The following ZBBX variants were observed in gnomAD, a reference collection of about 807,000 sequenced individuals.
ZBBX encodes zinc finger B-box domain-containing protein 1.
A neutral mutation model predicts 108.5 loss-of-function variants in ZBBX; 101 were observed. That is an observed-to-expected ratio of 0.93 (90% confidence interval 0.79 to 1.10). The LOEUF is 1.10. ZBBX is among the 50% of genes least tolerant of loss of function. The pLI is 0.00. For synonymous variants in ZBBX, 356 were observed against 323.4 expected (o/e 1.10, Z -1.08); for missense variants, 1,009 against 941.4 (o/e 1.07, Z -0.94).
chr3:167,238,737 G>A (rs1285397075), downstream of ZBBX, among the ~76,000 whole-genome samples: 1 of 152,024 alleles, frequency 6.6e-6, no homozygotes, highest in African/African-American at 2.4e-5. Context: ...ATGTCACAAA[G>A]TGATGACCAC....
At chr3:167,312,837 A>T (rs577174030) in intron 16 of ZBBX, among the ~76,000 whole-genome samples, 2 of 152,290 alleles carry the variant, frequency 1.3e-5, no homozygotes, top group African/African-American at 4.8e-5. Context: ...ATTTACACAA[A>T]TCTACCACTG....
At chr3:167,188,925 T>G in the ZBBX span, among the ~76,000 whole-genome samples, 1 of 152,158 alleles carries the variant, frequency 6.6e-6, no homozygotes, top group Non-Finnish European at 1.5e-5. Context: ...CCCTGAGATT[T>G]AAAAAGACAC....
intron 15 of ZBBX, 74 bp downstream of exon 15, chr3:167,315,654 CACACCACATATTTCACATTTAA>C: frequency 1.2e-6 from 1 of 858,388 alleles, no homozygotes; most frequent in Non-Finnish European, 1.9e-6. Context: ...CATGTTTTTT[CACACCACATATTTCACATTTAA>C]AAAGACAGAT....
chr3:167,224,244 G>A, the ZBBX span, among the ~76,000 whole-genome samples: 29 of 151,878 alleles, frequency 1.9e-4, no homozygotes, highest in African/African-American at 5.1e-4. Flanking sequence ...TGATTTATAC[G>A]TGCTTACTTC....
At chr3:167,218,790 T>C in the ZBBX span, among the ~76,000 whole-genome samples, 2 of 152,014 alleles carry the variant, frequency 1.3e-5, no homozygotes, top group Non-Finnish European at 2.9e-5. Context: ...ACTGATAAGA[T>C]TGCATATAAA....
intron 20 of ZBBX, among the ~76,000 whole-genome samples, chr3:167,272,276 G>A (rs1726662412): frequency 6.6e-6 from 1 of 152,118 alleles, no homozygotes; most frequent in Admixed American, 6.5e-5. Flanking sequence ...CAATTCCTCA[G>A]GAATTACATA....
At chr3:167,362,952 A>G (rs991384914) in intron 6 of ZBBX, among the ~76,000 whole-genome samples, 8 of 151,810 alleles carry the variant, frequency 5.3e-5, no homozygotes, top group Non-Finnish European at 1.2e-4. Context: ...AGAGACTTCA[A>G]TGCACATGTT....
chr3:167,381,172 T>TA (rs199538811), upstream of ZBBX, among the ~76,000 whole-genome samples: 284 of 151,642 alleles, frequency 1.9e-3, 5 homozygotes, highest in East Asian at 0.018. Context: ...AATACCCATT[T>TA]AAAAAAAAAT....
intron 8 of ZBBX, among the ~76,000 whole-genome samples, chr3:167,353,702 T>C (rs1015265025): frequency 1.3e-5 from 2 of 152,008 alleles, no homozygotes; most frequent in Non-Finnish European, 2.9e-5. Context: ...TTATATGTTT[T>C]ATCTCATTTA....
chr3:167,195,344 G>GA, the ZBBX span, among the ~76,000 whole-genome samples: 1 of 152,154 alleles, frequency 6.6e-6, no homozygotes, highest in African/African-American at 2.4e-5. Context: ...TAAGAAATTA[G>GA]TGTAACTTTT....
At chr3:167,253,522 A>T (rs1722967889) in intron 20 of ZBBX, among the ~76,000 whole-genome samples, 1 of 152,120 alleles carries the variant, frequency 6.6e-6, no homozygotes, top group African/African-American at 2.4e-5. Context: ...AAAGACAAGA[A>T]AGCCCAGATC....
At chr3:167,180,090 A>C in the ZBBX span, among the ~76,000 whole-genome samples, 130 of 152,352 alleles carry the variant, frequency 8.5e-4, no homozygotes, top group African/African-American at 3.0e-3. Flanking sequence ...GCCACTCTAC[A>C]AGATCTTGCT....
At position 167,282,227 on chromosome 3, in the gene ZBBX, A is replaced by G; in HGVS notation, c.2254+11T>C. 4 of 1,594,644 alleles carry G rather than the reference A, an allele frequency of 2.5e-6. No homozygotes were observed. Among genetic ancestry groups the G allele is most frequent in the Non-Finnish European group, 3.4e-6 (4 of 1,171,504 alleles). ...TAGCATTATCTAAAGTGAAAAAAAA[A>G]ATAGGATTACCTGCAAGAGATCTCA... On this transcript the variant is annotated intron_variant, in intron 20 of 21. Coordinates refer to ENST00000675490, the MANE Select transcript of ZBBX (RefSeq NM_001199201.2).
the ZBBX span, among the ~76,000 whole-genome samples, chr3:167,200,747 T>C: frequency 2.0e-5 from 3 of 152,086 alleles, no homozygotes; most frequent in African/African-American, 7.2e-5. Flanking sequence ...AGTCTACAGA[T>C]TAGTTCTAGT....
At chr3:167,205,503 T>C in the ZBBX span, among the ~76,000 whole-genome samples, 1 of 152,188 alleles carries the variant, frequency 6.6e-6, no homozygotes, top group Non-Finnish European at 1.5e-5. Flanking sequence ...AATGGGATAA[T>C]TATGTACTAC....
chr3:167,210,353 C>T, the ZBBX span, among the ~76,000 whole-genome samples: 1 of 151,530 alleles, frequency 6.6e-6, no homozygotes, highest in Admixed American at 6.6e-5. Flanking sequence ...AAAAAGACAC[C>T]ATCAGAGTAG....
At chr3:167,349,567 G>A (rs1742284197) in intron 9 of ZBBX, among the ~76,000 whole-genome samples, 1 of 151,894 alleles carries the variant, frequency 6.6e-6, no homozygotes, top group Non-Finnish European at 1.5e-5. Flanking sequence ...ATATTTATTA[G>A]CATGTTCAGG....
At chr3:167,309,840 C>T (rs191245351) in intron 16 of ZBBX, among the ~76,000 whole-genome samples, 1 of 152,362 alleles carries the variant, frequency 6.6e-6, no homozygotes, top group East Asian at 1.9e-4. Context: ...CAAATTTCTG[C>T]AGCATGTGGC....
chr3:167,366,059 C>A, intron 5 of ZBBX, 83 bp from the exon 6 acceptor site: 1 of 1,042,740 alleles, frequency 9.6e-7, no homozygotes, highest in Non-Finnish European at 1.4e-6. Context: ...GTTCCTGTTT[C>A]AGAAAATGGA....
Sources: gnomAD v4.1 joint callset for allele counts (sites outside exome capture counted in the v4.1 genomes callset) on GRCh38, gnomAD v4.1.1 for gene constraint, MANE v1.5 for transcripts, NCBI Gene and HGNC (gene_info 2026-07-23, HGNC 2026-07-21) for gene names.